The following DEPDC5 variants were observed in gnomAD, a reference collection of about 807,000 sequenced individuals.
DEPDC5 encodes the protein DEP domain containing 5, GATOR1 subcomplex subunit, also known as GATOR1 complex protein DEPDC5.
Under a neutral mutation model 217.3 loss-of-function variants are expected in DEPDC5, and 73 were observed. The observed-to-expected ratio is 0.34, with a 90% CI of 0.28 to 0.41. DEPDC5 has a LOEUF of 0.41. DEPDC5 is among the 10% of genes least tolerant of loss of function. The pLI is 1.00. For missense variants in DEPDC5, 1,675 were observed against 2,070.1 expected (o/e 0.81, Z 3.70); for synonymous variants, 733 against 756.7 (o/e 0.97, Z 0.51).
intron 7 of DEPDC5, among the ~76,000 whole-genome samples, chr22:31,772,842 C>T (rs1231472406): frequency 6.6e-6 from 1 of 151,818 alleles, no homozygotes; most frequent in Non-Finnish European, 1.5e-5. Context: ...AGTGTAGTAG[C>T]ATGATATCTC....
At chr22:31,905,572 C>A (rs1480059576) in intron 41 of DEPDC5, among the ~76,000 whole-genome samples, 1 of 151,808 alleles carries the variant, frequency 6.6e-6, no homozygotes, top group African/African-American at 2.4e-5. Context: ...AGGTAGATTC[C>A]AGTGAGAGGC....
intron 38 of DEPDC5, among the ~76,000 whole-genome samples, chr22:31,891,701 G>A (rs765609696): frequency 4.6e-5 from 7 of 152,206 alleles, no homozygotes; most frequent in Non-Finnish European, 1.0e-4. Context: ...AAGGGAGAAT[G>A]AGGGGTGGAT....
At position 31,845,137 on chromosome 22, in the gene DEPDC5, G is replaced by A. The variant is rs762596342; in HGVS notation, c.2921G>A (p.Arg974His). The A allele has an allele frequency of 2.7e-5, 44 of 1,614,178 alleles. No individual in the cohort carries two copies. Among genetic ancestry groups the A allele is most frequent in the Middle Eastern group, 1.6e-4 (1 of 6,062 alleles). The change falls in exon 30 of 43, where the codon CGT (arginine) becomes CAT (histidine). Residue 974 changes from arginine to histidine, a missense_variant. By Grantham distance (29) the Arg-to-His change is conservative. Around this residue, in one of 11 missense-constraint regions of DEPDC5, gnomAD observed 293 missense variants for 386.1 expected, o/e 0.76. Transcript: ENST00000651528. Reference sequence around the variant, plus strand: ...TGCGACATCTATGGGGACAGGCCCCGTGCAGACGAGGACGAGTGGCAACTC... The same window carrying A: ...TGCGACATCTATGGGGACAGGCCCCATGCAGACGAGGACGAGTGGCAACTC... ...AHCDIYGDRP[R>H]ADEDEWQLLD...
At chr22:31,905,646 A>G (rs1384448386) in intron 41 of DEPDC5, among the ~76,000 whole-genome samples, 2 of 151,944 alleles carry the variant, frequency 1.3e-5, no homozygotes, top group Non-Finnish European at 2.9e-5. Flanking sequence ...GGAACATGGT[A>G]GGAGGGACGG....
At chr22:31,841,252 C>A (rs1938156373) in intron 27 of DEPDC5, among the ~76,000 whole-genome samples, 1 of 152,228 alleles carries the variant, frequency 6.6e-6, no homozygotes, top group South Asian at 2.1e-4. Context: ...TCCCTTGGCA[C>A]CATCGGGGAA....
At chr22:31,905,545 T>C (rs535860992) in intron 41 of DEPDC5, among the ~76,000 whole-genome samples, 1 of 151,816 alleles carries the variant, frequency 6.6e-6, no homozygotes, top group African/African-American at 2.4e-5. Context: ...TGGGTATGTG[T>C]GGCCTGTCAA....
At chr22:31,813,962 G>T (rs544454978) in intron 20 of DEPDC5, 5 of 152,056 alleles carry the variant, frequency 3.3e-5, no homozygotes, top group African/African-American at 1.2e-4. Context: ...GTGAAACCCC[G>T]TCTCTACTAA....
chr22:31,886,687 G>A (rs2093320544), intron 38 of DEPDC5, among the ~76,000 whole-genome samples: 1 of 146,426 alleles, frequency 6.8e-6, no homozygotes, highest in African/African-American at 2.5e-5. Context: ...TTGAACCTGG[G>A]AAACGGAGGT....
At chr22:31,804,417 G>C (rs11704377) in intron 16 of DEPDC5, among the ~76,000 whole-genome samples, 194 bp downstream of exon 16, 2 of 151,994 alleles carry the variant, frequency 1.3e-5, no homozygotes, top group Non-Finnish European at 2.9e-5. Context: ...CTCCAGCCTG[G>C]GCAGCAAAGC....
chr22:31,806,803 T>G (rs2087594395), intron 18 of DEPDC5, among the ~76,000 whole-genome samples: 2 of 152,170 alleles, frequency 1.3e-5, no homozygotes, highest in South Asian at 4.1e-4. Flanking sequence ...GCCAGGAGTT[T>G]GAGACCGATC....
chr22:31,818,569 T>C (rs1182994597), intron 21 of DEPDC5, among the ~76,000 whole-genome samples: 1 of 152,214 alleles, frequency 6.6e-6, no homozygotes. Flanking sequence ...TTGTGTCCAG[T>C]AGGAAAATCA....
chr22:31,796,089 T>C (rs1205362946), intron 12 of DEPDC5, among the ~76,000 whole-genome samples: 1 of 146,724 alleles, frequency 6.8e-6, no homozygotes, highest in Non-Finnish European at 1.5e-5. Flanking sequence ...AACACACTGC[T>C]CCACAGTATC....
At chr22:31,877,642 C>T (rs1270069455) in intron 37 of DEPDC5, among the ~76,000 whole-genome samples, 20 of 144,000 alleles carry the variant, frequency 1.4e-4, no homozygotes, top group East Asian at 4.3e-4. Flanking sequence ...CCCAGCTACT[C>T]GGGAGGCTGA....
intron 17 of DEPDC5, among the ~76,000 whole-genome samples, chr22:31,805,382 C>T (rs932405458): frequency 3.3e-5 from 5 of 152,142 alleles, no homozygotes; most frequent in Non-Finnish European, 5.9e-5. Flanking sequence ...TATTTTCTTC[C>T]AAGATCCAAC....
chr22:31,799,486 T>TC (rs2086626395), intron 14 of DEPDC5, among the ~76,000 whole-genome samples: 1 of 151,606 alleles, frequency 6.6e-6, no homozygotes, highest in Admixed American at 6.6e-5. Context: ...ATGCTATTTT[T>TC]TTTTTTTTTT....
intron 18 of DEPDC5, among the ~76,000 whole-genome samples, chr22:31,807,028 A>G (rs1242425743): frequency 1.3e-5 from 2 of 152,188 alleles, no homozygotes; most frequent in African/African-American, 2.4e-5. Flanking sequence ...CAAACAAACC[A>G]AGAAAATAAA....
At chr22:31,837,350 TC>T in intron 26 of DEPDC5, 195 bp downstream of exon 26, 1 of 654,210 alleles carries the variant, frequency 1.5e-6, no homozygotes. Flanking sequence ...TCTTTTTTTT[TC>T]CTTTTTTTTT....
chr22:31,754,776 C>A, intron 1 of DEPDC5, 86 bp from the exon 2 acceptor site: 1 of 832,396 alleles, frequency 1.2e-6, no homozygotes, highest in Non-Finnish European at 1.9e-6. Context: ...CAGAGGAACA[C>A]CAGTATCTTC....
chr22:31,804,972 A>G lies in DEPDC5; in HGVS notation c.1217+57A>G, dbSNP rs1027493526. On this transcript the variant is annotated intron_variant, in intron 17 of 42. Transcript: ENST00000651528. ...AAGCGTTTTGAACAGCTTCCTTGCC[A>G]TTTTTCTTTAAATCTGTTAAGTTCT... is the stretch of plus-strand genomic sequence containing the variant. The G allele has an allele frequency of 2.0e-6, 3 of 1,506,946 alleles. No homozygotes were observed. The South Asian group carries it at 3.5e-5, about 18-fold the overall frequency. 93.3% of individuals were successfully genotyped at this position (1,506,946 alleles called of 1,614,324 possible).
Sources: allele counts gnomAD v4.1 joint callset (sites outside exome capture counted in the v4.1 genomes callset), GRCh38; gene constraint gnomAD v4.1.1; regional missense constraint gnomAD v4.1.1; transcripts MANE v1.5; gene names NCBI Gene and HGNC (gene_info 2026-07-23, HGNC 2026-07-21).